PYGB: variants seen among roughly 807,000 people sequenced by gnomAD.
The protein encoded by PYGB is glycogen phosphorylase, brain form.
Under a neutral mutation model 94.3 loss-of-function variants are expected in PYGB, and 82 were observed. The observed-to-expected ratio is 0.87, with a 90% confidence interval of 0.73 to 1.04. PYGB has a LOEUF of 1.04. PYGB is among the 50% of genes least tolerant of loss of function. PYGB has a pLI of 0.00. For synonymous variants in PYGB, 488 were observed against 479.1 expected (o/e 1.02, Z -0.24); for missense variants, 1,132 against 1,158.2 (o/e 0.98, Z 0.33).
intron 2 of PYGB, among the ~76,000 whole-genome samples, chr20:25,266,832 G>A (rs1033838806): frequency 2.6e-5 from 4 of 152,206 alleles, no homozygotes; most frequent in Non-Finnish European, 5.9e-5. Context: ...CCACAAGAAT[G>A]GCTATAATCA....
At chr20:25,258,568 G>A (rs958810431) in intron 1 of PYGB, among the ~76,000 whole-genome samples, 8 of 152,344 alleles carry the variant, frequency 5.3e-5, no homozygotes, top group African/African-American at 1.7e-4. Flanking sequence ...AGAAGTACTC[G>A]GTAGAGAAAG....
intron 2 of PYGB, among the ~76,000 whole-genome samples, chr20:25,260,760 G>C (rs1023741831): frequency 6.6e-6 from 1 of 152,206 alleles, no homozygotes. Context: ...GGCACCTGGA[G>C]AATCAGATCA....
intron 18 of PYGB, chr20:25,294,949 G>T: frequency 6.2e-7 from 1 of 1,613,908 alleles, no homozygotes; most frequent in Non-Finnish European, 8.5e-7. Flanking sequence ...GCTCTTCGAT[G>T]ACCGTGTCAC....
At position 25,279,183 on chromosome 20, in the gene PYGB, G is replaced by C. The variant is rs371880321; in HGVS notation, c.1092+34G>C. 5.6e-6 allele frequency: 9 copies of C among 1,598,930 alleles called. No individual in the cohort carries two copies. The African/African-American group carries it at 1.1e-4, about 19-fold the overall frequency. On this transcript the variant is annotated intron_variant, in intron 9 of 19. Coordinates refer to ENST00000216962, the MANE Select transcript of PYGB (RefSeq NM_002862.4). The stretch of plus-strand genomic sequence containing the variant: ...GGAGGAAAAGGGCGGCACCTCCCCA[G>C]AGCCTGGAGCCCGTGCAGACCAGGG...
chr20:25,284,083 C>G, intron 13 of PYGB, 21 bp from the exon 14 acceptor site: 1 of 1,612,046 alleles, frequency 6.2e-7, no homozygotes. Flanking sequence ...CTCCAGCCAT[C>G]TTTCCCTTTC....
chr20:25,296,428 C>A lies in PYGB; in HGVS notation c.2438C>A (p.Ser813Tyr). The change falls in exon 20 of 20, where the codon TCC becomes TAC. Residue 813 changes from serine (S) to tyrosine (Y), a missense_variant. Physicochemically the swap from Ser to Tyr is moderately radical, Grantham distance 144. Transcript: ENST00000216962. Reference sequence around the variant, plus strand: ...AACATCGCCTGCTCGGGCAAGTTCTCCAGTGACCGGACCATCACGGAGTAT... The same window carrying A: ...AACATCGCCTGCTCGGGCAAGTTCTACAGTGACCGGACCATCACGGAGTAT... ...IRNIACSGKF[S>Y]SDRTITEYAR... 2 of 1,614,088 alleles carry A rather than the reference C, an allele frequency of 1.2e-6. No homozygotes were observed. The highest frequency in any genetic ancestry group is 1.7e-6 in the Non-Finnish European group (2 of 1,180,026).
intron 3 of PYGB, among the ~76,000 whole-genome samples, chr20:25,270,506 C>T (rs926014066): frequency 6.6e-6 from 1 of 151,850 alleles, no homozygotes; most frequent in Non-Finnish European, 1.5e-5. Flanking sequence ...CCAGCCAATC[C>T]TGAAGTTTTA....
In PYGB at chr20:25,276,711, GC is replaced by G. The variant is rs764562000; in HGVS notation, c.727del (p.Arg243GlyfsTer52). ...GYKNNTVNTM[R>X]LWSAKAPNDF... Reference sequence around the variant, plus strand: ...ACAAGAACAACACCGTCAACACCATGCGGCTGTGGTCCGCCAAGGCTCCCAA... The same window carrying G: ...ACAAGAACAACACCGTCAACACCATGGGCTGTGGTCCGCCAAGGCTCCCAA... On this transcript the variant is annotated frameshift_variant, in exon 6 of 20. Transcript: ENST00000216962. LOFTEE classifies it high-confidence loss of function. 6.2e-7 allele frequency: 1 copy of G among 1,614,032 alleles called. No individual in the cohort carries two copies. The highest frequency in any genetic ancestry group is 1.1e-5 in the South Asian group (1 of 91,088).
intron 4 of PYGB, 67 bp downstream of exon 4, chr20:25,271,553 C>G: frequency 1.3e-6 from 2 of 1,528,436 alleles, no homozygotes; most frequent in Non-Finnish European, 1.8e-6. Flanking sequence ...GCAGCACTTG[C>G]AGTTTGTCTT....
Position 25,297,688 on chromosome 20 carries a change from T to G in PYGB, c.*1166T>G, listed in dbSNP as rs528743802. 2 of 152,390 alleles carry G rather than the reference T, an allele frequency of 1.3e-5. No homozygotes were observed. Among genetic ancestry groups the G allele is most frequent in the Admixed American group, 6.5e-5 (1 of 15,310 alleles). The allele number at this position is 152,390 out of a possible 1,614,324, so 9.4% of individuals were successfully genotyped here. A position where few individuals can be genotyped will look rare whatever the true frequency, so the allele number is the denominator to read the frequency against. On this transcript the variant is annotated 3_prime_UTR_variant, in exon 20 of 20. Coordinates refer to ENST00000216962, the MANE Select transcript of PYGB (RefSeq NM_002862.4). ...CAGGGAACAGGCTACTGTCCTTCCCTGTGGAATTGCCGAGAAATCTAGCAC... is the reference window on the plus strand; with the variant it reads ...CAGGGAACAGGCTACTGTCCTTCCCGGTGGAATTGCCGAGAAATCTAGCAC...
chr20:25,283,071 G>C lies in PYGB; in HGVS notation c.1519-105G>C, dbSNP rs982249806. The stretch of plus-strand genomic sequence containing the variant: ...GGAGGGGCCGGACAAGCAGATCCCA[G>C]GGGAAAGCAGGGGCGTGGGCAACAA... On this transcript the variant is annotated intron_variant, in intron 12 of 19. Coordinates refer to ENST00000216962, the MANE Select transcript of PYGB (RefSeq NM_002862.4). 1.5e-5 allele frequency: 14 copies of C among 954,532 alleles called. No individual in the cohort carries two copies. The African/African-American group carries it at 2.3e-4, about 16-fold the overall frequency. 59.1% of individuals were successfully genotyped at this position (954,532 alleles called of 1,614,324 possible).
intron 16 of PYGB, among the ~76,000 whole-genome samples, chr20:25,291,997 T>C (rs2474777): frequency 0.45 from 68,459 of 152,018 alleles, 16,030 homozygotes; most frequent in East Asian, 0.92. Context: ...GGCTCTATTC[T>C]GGTCTACATT....
chr20:25,255,314 C>T (rs551174821), intron 1 of PYGB, among the ~76,000 whole-genome samples: 115 of 152,344 alleles, frequency 7.5e-4, no homozygotes, highest in Middle Eastern at 3.4e-3. Flanking sequence ...CACAGGACCT[C>T]GGTTCCCCTG....
chr20:25,292,067 C>T (rs1247831307), intron 16 of PYGB, among the ~76,000 whole-genome samples: 3 of 152,168 alleles, frequency 2.0e-5, no homozygotes, highest in Non-Finnish European at 2.9e-5. Flanking sequence ...ATCCAGGGAA[C>T]GACATTGTCA....
chr20:25,271,342 C>T (rs780194519), intron 3 of PYGB, 41 bp from the exon 4 acceptor site: 59 of 1,592,250 alleles, frequency 3.7e-5, no homozygotes, highest in Middle Eastern at 1.7e-4. Context: ...ACCTTGGTGC[C>T]GTGCCTTTGA....
chr20:25,253,234 G>A, intron 1 of PYGB, among the ~76,000 whole-genome samples: 1 of 152,220 alleles, frequency 6.6e-6, no homozygotes, highest in Admixed American at 6.5e-5. Flanking sequence ...ACCCCACTCT[G>A]TAGGTTGTGG....
At chr20:25,283,492 AG>A (rs1229116337) in intron 13 of PYGB, among the ~76,000 whole-genome samples, 1 of 152,214 alleles carries the variant, frequency 6.6e-6, no homozygotes, top group Non-Finnish European at 1.5e-5. Context: ...CGAGGAGGAC[AG>A]GTCACATGGC....
intron 14 of PYGB, 100 bp downstream of exon 14, chr20:25,284,351 C>T (rs2088398759): frequency 6.8e-7 from 1 of 1,474,678 alleles, no homozygotes; most frequent in Admixed American, 2.0e-5. Flanking sequence ...ATGGTGGGGG[C>T]TGTGTGTGTA....
chr20:25,280,504 T>G, intron 10 of PYGB, 92 bp downstream of exon 10: 4 of 1,478,914 alleles, frequency 2.7e-6, no homozygotes, highest in Non-Finnish European at 3.7e-6. Context: ...GCTTTGCTCC[T>G]TGAACGAGGC....
Sources: allele counts gnomAD v4.1 joint callset (sites outside exome capture counted in the v4.1 genomes callset), GRCh38; gene constraint gnomAD v4.1.1; transcripts MANE v1.5; gene names NCBI Gene and HGNC (gene_info 2026-07-23, HGNC 2026-07-21).